FGFR2: variants seen among roughly 807,000 people sequenced by gnomAD.
The protein encoded by FGFR2 is fibroblast growth factor receptor 2.
Under a neutral mutation model 95.9 loss-of-function variants are expected in FGFR2, and 19 were observed. That is an observed-to-expected ratio of 0.20 (90% CI 0.14 to 0.29). FGFR2 has a LOEUF of 0.29. Among genes scored for constraint, FGFR2 ranks in the 10% least tolerant of loss-of-function variants. The pLI, the probability that FGFR2 is intolerant of heterozygous loss-of-function variation, is 1.00. For synonymous variants in FGFR2, 392 were observed against 393.3 expected, an observed-to-expected ratio of 1.00 and a Z score of 0.04; for missense variants, 707 against 1,056.9, an observed-to-expected ratio of 0.67 and a Z score of 4.59.
At position 121,510,531 on chromosome 10, in the gene FGFR2, T is replaced by C. The variant is rs550109922; in HGVS notation, c.1287+4586A>G. On this transcript the variant is annotated intron_variant, in intron 9 of 17. Transcript: ENST00000358487. The stretch of plus-strand genomic sequence containing the variant: ...AAATACAGAGAATATTCCCAGATCA[T>C]GATGTTCAGCTGCCAGGCAGTAAAC... 4.6e-5 allele frequency among the ~76,000 whole-genome samples: 7 copies of C among 152,258 alleles called. No homozygotes were observed. The South Asian group carries it at 1.5e-3, about 32-fold the overall frequency.
intron 5 of FGFR2, among the ~76,000 whole-genome samples, chr10:121,550,586 T>C (rs768746558): frequency 4.6e-5 from 7 of 152,324 alleles, no homozygotes; most frequent in Non-Finnish European, 7.3e-5. Flanking sequence ...TAATGCATCA[T>C]ATTTCATACT....
chr10:121,580,316 G>A (rs1157838937), intron 2 of FGFR2, among the ~76,000 whole-genome samples: 1 of 152,138 alleles, frequency 6.6e-6, no homozygotes, highest in African/African-American at 2.4e-5. Flanking sequence ...CTCCTTCAGA[G>A]TCTGCAGATG....
intron 5 of FGFR2, among the ~76,000 whole-genome samples, 187 bp from the exon 6 acceptor site, chr10:121,538,902 C>T (rs1282857551): frequency 3.3e-5 from 5 of 152,220 alleles, no homozygotes; most frequent in Non-Finnish European, 1.5e-5. Context: ...TCATGGTGAA[C>T]ACCTGTGAAG....
chr10:121,483,634 TAAAAC>T (rs1297978078), intron 17 of FGFR2, 59 bp downstream of exon 17: 2 of 1,196,796 alleles, frequency 1.7e-6, no homozygotes, highest in Non-Finnish European at 2.5e-6. Context: ...AGTGTGTGTG[TAAAAC>T]ACTACGCATG....
At chr10:121,570,192 C>T (rs1298102601) in intron 2 of FGFR2, among the ~76,000 whole-genome samples, 2 of 152,230 alleles carry the variant, frequency 1.3e-5, no homozygotes, top group Non-Finnish European at 2.9e-5. Flanking sequence ...TGTCCCTGCC[C>T]GTGTCCTTGG....
At chr10:121,538,737 C>T (rs766752367) in intron 5 of FGFR2, 22 bp from the exon 6 acceptor site, 47 of 1,613,932 alleles carry the variant, frequency 2.9e-5, no homozygotes, top group South Asian at 1.4e-4. Flanking sequence ...AAAGCAAAGG[C>T]GGTTATTTAA....
intron 6 of FGFR2, chr10:121,526,674 C>T (rs990423028): frequency 4.3e-5 from 17 of 398,498 alleles, no homozygotes; most frequent in African/African-American, 1.0e-4. Context: ...AGTATCTTGG[C>T]TTGTCACCTC....
chr10:121,502,803 T>C (rs1417659799), intron 10 of FGFR2, among the ~76,000 whole-genome samples: 2 of 152,150 alleles, frequency 1.3e-5, no homozygotes, highest in East Asian at 3.9e-4. Flanking sequence ...CGACAAAAAG[T>C]ACCCCAGAAG....
chr10:121,564,375 C>T, intron 4 of FGFR2, 127 bp downstream of exon 4: 4 of 834,066 alleles, frequency 4.8e-6, no homozygotes, highest in Non-Finnish European at 8.3e-6. Flanking sequence ...AAAGTAGACA[C>T]AGCGGGGAAA....
At chr10:121,591,271 T>A (rs549476126) in intron 2 of FGFR2, among the ~76,000 whole-genome samples, 1 of 152,310 alleles carries the variant, frequency 6.6e-6, no homozygotes, top group South Asian at 2.1e-4. Flanking sequence ...GCCTCCTCCA[T>A]CCAAAAACAA....
chr10:121,516,249 C>A (rs1849695533), intron 8 of FGFR2, among the ~76,000 whole-genome samples: 1 of 152,184 alleles, frequency 6.6e-6, no homozygotes, highest in Non-Finnish European at 1.5e-5. Context: ...CAGTTAGGCA[C>A]CACAGAATGC....
intron 6 of FGFR2, among the ~76,000 whole-genome samples, chr10:121,522,466 G>A (rs565162443): frequency 6.6e-6 from 1 of 152,178 alleles, no homozygotes; most frequent in South Asian, 2.1e-4. Flanking sequence ...TGAGGTGAGA[G>A]AATGGCTTGA....
chr10:121,516,125 T>A (rs914282101), intron 8 of FGFR2, among the ~76,000 whole-genome samples: 1 of 152,164 alleles, frequency 6.6e-6, no homozygotes. Context: ...ATGTCTGACT[T>A]CTTCTTAGTC....
intron 1 of FGFR2, among the ~76,000 whole-genome samples, chr10:121,597,329 C>G (rs1330311375): frequency 6.6e-6 from 1 of 152,264 alleles, no homozygotes; most frequent in Non-Finnish European, 1.5e-5. Context: ...GGCAGGCGAA[C>G]TAGAAAAAGT....
At chr10:121,566,963 G>A (rs1298225314) in intron 2 of FGFR2, among the ~76,000 whole-genome samples, 1 of 152,130 alleles carries the variant, frequency 6.6e-6, no homozygotes, top group Non-Finnish European at 1.5e-5. Flanking sequence ...GGAGCGGCCA[G>A]CTGGGATGGC....
At chr10:121,553,860 C>T (rs1424031210) in intron 4 of FGFR2, among the ~76,000 whole-genome samples, 1 of 152,156 alleles carries the variant, frequency 6.6e-6, no homozygotes, top group Non-Finnish European at 1.5e-5. Flanking sequence ...TCTTTTCTGC[C>T]CTCACTGGGC....
intron 4 of FGFR2, among the ~76,000 whole-genome samples, chr10:121,561,894 A>G (rs1857037318): frequency 6.6e-6 from 1 of 152,248 alleles, no homozygotes; most frequent in South Asian, 2.1e-4. Context: ...CTTAACAGAC[A>G]TCTCACCAAA....
chr10:121,509,495 TTTTTTTTTTTTTTTG>T (rs1271686361), intron 9 of FGFR2, among the ~76,000 whole-genome samples: 12 of 109,302 alleles, frequency 1.1e-4, no homozygotes, highest in South Asian at 3.1e-4. Context: ...TTTTTTTTTT[TTTTTTTTTTTTTTTG>T]GTTTGAGACA....
intron 9 of FGFR2, among the ~76,000 whole-genome samples, chr10:121,512,886 A>T (rs1054528598): frequency 6.6e-6 from 1 of 151,942 alleles, no homozygotes; most frequent in African/African-American, 2.4e-5. Context: ...CTTTTTTTTT[A>T]AAGACGGAGT....
Sources: allele counts gnomAD v4.1 joint callset (sites outside exome capture counted in the v4.1 genomes callset), GRCh38; gene constraint gnomAD v4.1.1; transcripts MANE v1.5; gene names NCBI Gene and HGNC (gene_info 2026-07-23, HGNC 2026-07-21).